PTPRG: variants seen among roughly 807,000 people sequenced by gnomAD.
PTPRG encodes receptor-type tyrosine-protein phosphatase gamma.
PTPRG carries 102 observed loss-of-function variants against 165.3 expected under a neutral mutation model. The observed-to-expected ratio is 0.62, with a 90% CI of 0.53 to 0.73. The LOEUF is 0.73. PTPRG is among the 30% of genes least tolerant of loss of function. The pLI, the probability that PTPRG is intolerant of heterozygous loss-of-function variation, is 0.00. For synonymous variants in PTPRG, 675 were observed against 669.5 expected (o/e 1.01, Z -0.13); for missense variants, 1,866 against 1,861.4 (o/e 1.00, Z -0.05).
intron 5 of PTPRG, among the ~76,000 whole-genome samples, chr3:62,090,706 C>A (rs1372705727): frequency 1.3e-5 from 2 of 152,164 alleles, no homozygotes; most frequent in Non-Finnish European, 2.9e-5. Flanking sequence ...TGTGTCAGCG[C>A]CTCTGATAAT....
rs192532178 is a variant in PTPRG at position 62,006,439 on chromosome 3, G to A, written c.519+2942G>A. Among the ~76,000 whole-genome samples, 68 of 152,192 alleles carry A rather than the reference G, an allele frequency of 4.5e-4. No homozygotes were observed. The East Asian group carries it at 0.01, about 23-fold the overall frequency. On this transcript the variant is annotated intron_variant, in intron 4 of 29. Coordinates refer to ENST00000474889, the MANE Select transcript of PTPRG (RefSeq NM_002841.4). Reference sequence around the variant, plus strand: ...TCCCTACGATTTTTATACTATTTGAGCATCTTACGCTTGGTTTATTTCTTT... The same window carrying A: ...TCCCTACGATTTTTATACTATTTGAACATCTTACGCTTGGTTTATTTCTTT...
At chr3:62,011,626 G>GA in intron 4 of PTPRG, among the ~76,000 whole-genome samples, 1 of 152,148 alleles carries the variant, frequency 6.6e-6, no homozygotes, top group South Asian at 2.1e-4. Context: ...TCCTTTGCTA[G>GA]TGAAATGTTT....
intron 1 of PTPRG, among the ~76,000 whole-genome samples, chr3:61,644,503 G>A (rs1364431924): frequency 6.6e-6 from 1 of 152,086 alleles, no homozygotes; most frequent in Non-Finnish European, 1.5e-5. Flanking sequence ...GAGATAACTG[G>A]TTTGGAAGGG....
At chr3:61,945,925 T>C (rs907988480) in intron 2 of PTPRG, among the ~76,000 whole-genome samples, 35 of 152,234 alleles carry the variant, frequency 2.3e-4, no homozygotes, top group South Asian at 4.1e-4. Context: ...TTGCCCAAGC[T>C]ATATGCTCAT....
intron 5 of PTPRG, among the ~76,000 whole-genome samples, chr3:62,085,380 T>C (rs971472204): frequency 3.9e-5 from 6 of 152,168 alleles, no homozygotes; most frequent in South Asian, 2.1e-4. Context: ...TGGGGCTCCA[T>C]TGGATCAAAC....
intron 4 of PTPRG, among the ~76,000 whole-genome samples, chr3:62,019,619 T>C (rs1434089659): frequency 2.0e-5 from 3 of 151,256 alleles, no homozygotes; most frequent in Non-Finnish European, 2.9e-5. Flanking sequence ...TACTTGAAAA[T>C]TGCTAAGAGA....
chr3:62,059,798 T>G (rs1484104860), intron 4 of PTPRG, among the ~76,000 whole-genome samples: 1 of 152,198 alleles, frequency 6.6e-6, no homozygotes, highest in African/African-American at 2.4e-5. Context: ...GCTGCTGTTC[T>G]CATGATAGTG....
At position 61,969,333 on chromosome 3, in the gene PTPRG, G is replaced by T. The variant is rs147722090; in HGVS notation, c.191-20292G>T. ...TAAGGTCTGGGGTAGAGGGAACCTT[G>T]AATGAATATTTGCATCAATGAATAT... On this transcript the variant is annotated intron_variant, in intron 2 of 29. Coordinates refer to ENST00000474889, the MANE Select transcript of PTPRG (RefSeq NM_002841.4). Among the ~76,000 whole-genome samples the T allele has an allele frequency of 1.9e-3, 289 of 152,242 alleles. 2 individuals carry two copies. Among genetic ancestry groups the T allele is most frequent in the African/African-American group, 6.6e-3 (275 of 41,548 alleles).
chr3:61,637,206 G>T (rs2106943485), intron 1 of PTPRG, among the ~76,000 whole-genome samples: 1 of 152,270 alleles, frequency 6.6e-6, no homozygotes, highest in African/African-American at 2.4e-5. Context: ...TGGCATTATG[G>T]AATTATTCAT....
Position 61,562,386 on chromosome 3 carries a change from G to A in PTPRG, c.85+14G>A, listed in dbSNP as rs375806986. 6.2e-7 allele frequency: 1 copy of A among 1,612,478 alleles called. No individual in the cohort carries two copies. The highest frequency in any genetic ancestry group is 1.3e-5 in the African/African-American group (1 of 74,888). Reference sequence around the variant, plus strand: ...TGTGCTTCCCCGGTGAGTGCCGGCCGCCGAGGGGATGCGGCCCCGGCCGGC... The same window carrying A: ...TGTGCTTCCCCGGTGAGTGCCGGCCACCGAGGGGATGCGGCCCCGGCCGGC... On this transcript the variant is annotated intron_variant, in intron 1 of 29. Coordinates refer to ENST00000474889, the MANE Select transcript of PTPRG (RefSeq NM_002841.4).
At chr3:61,578,006 C>G (rs556818947) in intron 1 of PTPRG, among the ~76,000 whole-genome samples, 5 of 152,324 alleles carry the variant, frequency 3.3e-5, no homozygotes, top group African/African-American at 1.2e-4. Context: ...ATGAGGTAAA[C>G]CATGTAAGGC....
chr3:61,956,829 T>G (rs1430918244), intron 2 of PTPRG, among the ~76,000 whole-genome samples: 1 of 152,212 alleles, frequency 6.6e-6, no homozygotes, highest in Non-Finnish European at 1.5e-5. Context: ...TTATTGGCTC[T>G]TTAGCTATTT....
intron 1 of PTPRG, among the ~76,000 whole-genome samples, chr3:61,628,489 T>C (rs1011666452): frequency 6.6e-6 from 1 of 151,876 alleles, no homozygotes; most frequent in African/African-American, 2.4e-5. Flanking sequence ...CTAATTTTTG[T>C]TGTTGTTGTT....
chr3:62,289,991 C>CTATT (rs1702821272), intron 28 of PTPRG, among the ~76,000 whole-genome samples: 1 of 152,008 alleles, frequency 6.6e-6, no homozygotes, highest in Admixed American at 6.6e-5. Flanking sequence ...AAGCCACAAA[C>CTATT]TATTAAAACT....
chr3:62,160,398 G>A (rs73096591), intron 7 of PTPRG, among the ~76,000 whole-genome samples: 1 of 152,128 alleles, frequency 6.6e-6, no homozygotes, highest in African/African-American at 2.4e-5. Flanking sequence ...TAATGGAACC[G>A]CACATTGGTT....
chr3:62,048,394 G>A (rs1325203191), intron 4 of PTPRG, among the ~76,000 whole-genome samples: 1 of 152,134 alleles, frequency 6.6e-6, no homozygotes, highest in South Asian at 2.1e-4. Context: ...ACAGTTTAGA[G>A]TATATCCTTA....
rs556009427 is a variant in PTPRG at position 62,125,965 on chromosome 3, G to T, written c.616-6637G>T. Among the ~76,000 whole-genome samples the T allele has an allele frequency of 2.0e-5, 3 of 152,160 alleles. No homozygotes were observed. In the East Asian group the frequency reaches 5.8e-4, roughly 29 times the overall value. The stretch of plus-strand genomic sequence containing the variant: ...AAAAATCACCATGCGGGCCCCCACG[G>T]GAGTACCATTTGCCAGGCACCCCAG... On this transcript the variant is annotated intron_variant, in intron 5 of 29. Transcript: ENST00000474889.
At chr3:62,238,105 G>C (rs1701072908) in intron 14 of PTPRG, among the ~76,000 whole-genome samples, 1 of 152,192 alleles carries the variant, frequency 6.6e-6, no homozygotes, top group South Asian at 2.1e-4. Flanking sequence ...GCATTCTTTT[G>C]AACAGAGACG....
intron 12 of PTPRG, among the ~76,000 whole-genome samples, chr3:62,211,962 T>G (rs1700368685): frequency 6.6e-6 from 1 of 152,122 alleles, no homozygotes; most frequent in Non-Finnish European, 1.5e-5. Flanking sequence ...CTTTTCTTTT[T>G]TTTTTTTAAT....
Sources: gnomAD v4.1 joint callset for allele counts (sites outside exome capture counted in the v4.1 genomes callset) on GRCh38, gnomAD v4.1.1 for gene constraint, MANE v1.5 for transcripts, NCBI Gene and HGNC (gene_info 2026-07-23, HGNC 2026-07-21) for gene names.